The following CNTN5 variants were observed in gnomAD, a reference collection of about 807,000 sequenced individuals.
The protein encoded by CNTN5 is contactin-5.
Under a neutral mutation model 129.1 loss-of-function variants are expected in CNTN5, and 77 were observed. The observed-to-expected ratio is 0.60, with a 90% CI of 0.50 to 0.72. CNTN5 has a LOEUF of 0.72. CNTN5 is among the 30% of genes least tolerant of loss of function. The pLI is 0.00. For missense variants in CNTN5, 1,478 were observed against 1,328.8 expected (o/e 1.11, Z -1.75); for synonymous variants, 509 against 465.6 (o/e 1.09, Z -1.20).
chr11:99,810,777 G>C (rs1369198233), intron 3 of CNTN5, among the ~76,000 whole-genome samples: 1 of 152,110 alleles, frequency 6.6e-6, no homozygotes, highest in African/African-American at 2.4e-5. Flanking sequence ...AGAGAGGACA[G>C]CCTTAGCAAT....
At chr11:99,677,970 G>A (rs556237869) in intron 3 of CNTN5, among the ~76,000 whole-genome samples, 93 of 152,102 alleles carry the variant, frequency 6.1e-4, no homozygotes, top group Middle Eastern at 6.8e-3. Flanking sequence ...GAAAAAATCA[G>A]ATTTCCAACT....
chr11:99,235,766 T>C (rs936027906), intron 1 of CNTN5, among the ~76,000 whole-genome samples: 13 of 152,178 alleles, frequency 8.5e-5, no homozygotes, highest in African/African-American at 3.1e-4. Flanking sequence ...ATTTGCAAAA[T>C]GTCCTATGAG....
chr11:100,160,009 A>T (rs894446344), intron 13 of CNTN5, among the ~76,000 whole-genome samples: 6 of 151,808 alleles, frequency 4.0e-5, no homozygotes, highest in African/African-American at 1.5e-4. Context: ...TACACGTGCC[A>T]TGGTGGTTTG....
chr11:99,420,861 A>G (rs1331031983), intron 2 of CNTN5, among the ~76,000 whole-genome samples: 1 of 152,092 alleles, frequency 6.6e-6, no homozygotes, highest in Non-Finnish European at 1.5e-5. Context: ...TTTCATGAGG[A>G]CAGAGAACCT....
intron 9 of CNTN5, among the ~76,000 whole-genome samples, chr11:100,023,861 A>C (rs898957267): frequency 3.3e-5 from 5 of 151,348 alleles, no homozygotes; most frequent in African/African-American, 1.2e-4. Context: ...TTAATACTTC[A>C]TGTTGTTCCA....
At chr11:99,967,274 G>A (rs540776116) in intron 8 of CNTN5, among the ~76,000 whole-genome samples, 2 of 152,278 alleles carry the variant, frequency 1.3e-5, no homozygotes, top group African/African-American at 4.8e-5. Flanking sequence ...TGGAAGATTT[G>A]AAGTGCGTAG....
chr11:99,220,274 C>A (rs1860333347), intron 1 of CNTN5, among the ~76,000 whole-genome samples: 1 of 152,060 alleles, frequency 6.6e-6, no homozygotes, highest in African/African-American at 2.4e-5. Context: ...TATTAACTGG[C>A]CATTTCCTAA....
intron 3 of CNTN5, among the ~76,000 whole-genome samples, chr11:99,786,162 C>T (rs71622153): frequency 2.0e-5 from 3 of 152,134 alleles, no homozygotes; most frequent in South Asian, 4.2e-4. Context: ...CAAAGTCTCA[C>T]GATACAAAAT....
At chr11:99,908,551 A>G (rs1949571844) in intron 6 of CNTN5, among the ~76,000 whole-genome samples, 1 of 152,090 alleles carries the variant, frequency 6.6e-6, no homozygotes, top group African/African-American at 2.4e-5. Flanking sequence ...AATTAGGATT[A>G]TTATATAATT....
At chr11:100,155,203 T>C (rs1473364009) in intron 13 of CNTN5, among the ~76,000 whole-genome samples, 6 of 152,180 alleles carry the variant, frequency 3.9e-5, no homozygotes, top group Non-Finnish European at 8.8e-5. Flanking sequence ...TTGTATAAGG[T>C]GTAAGGAAGG....
chr11:99,186,589 G>A (rs1463270948), intron 1 of CNTN5, among the ~76,000 whole-genome samples: 1 of 151,924 alleles, frequency 6.6e-6, no homozygotes, highest in Non-Finnish European at 1.5e-5. Context: ...TAAGAGAATG[G>A]TTAATGTGAC....
intron 2 of CNTN5, among the ~76,000 whole-genome samples, chr11:99,498,202 C>T (rs985150162): frequency 6.6e-6 from 1 of 152,084 alleles, no homozygotes; most frequent in African/African-American, 2.4e-5. Context: ...ATAGTGATCT[C>T]TAAACAGTAT....
At chr11:99,144,141 C>T (rs917338099) in intron 1 of CNTN5, among the ~76,000 whole-genome samples, 4 of 152,036 alleles carry the variant, frequency 2.6e-5, no homozygotes, top group Admixed American at 1.3e-4. Flanking sequence ...GGCTAAATTA[C>T]AATTTGTGTC....
intron 9 of CNTN5, among the ~76,000 whole-genome samples, chr11:100,019,617 G>A (rs182691750): frequency 5.9e-4 from 90 of 151,934 alleles, no homozygotes; most frequent in Middle Eastern, 3.4e-3. Flanking sequence ...AGCTGATTGC[G>A]TATCTTGGCT....
chr11:99,961,608 G>A (rs563596433), intron 8 of CNTN5, among the ~76,000 whole-genome samples: 1 of 152,102 alleles, frequency 6.6e-6, no homozygotes, highest in Non-Finnish European at 1.5e-5. Flanking sequence ...CAATAAAGGG[G>A]ATTGAAGACA....
intron 3 of CNTN5, among the ~76,000 whole-genome samples, chr11:99,656,340 AT>A (rs925140051): frequency 7.2e-5 from 11 of 151,872 alleles, no homozygotes; most frequent in South Asian, 4.1e-4. Flanking sequence ...GACCTTTCAT[AT>A]TTTTTTTCCC....
chr11:99,226,968 G>A (rs17133326), intron 1 of CNTN5, among the ~76,000 whole-genome samples: 2,642 of 152,250 alleles, frequency 0.017, 43 homozygotes, highest in African/African-American at 0.038. Context: ...GGATTTCACA[G>A]TACGACAAAT....
At chr11:99,369,216 T>A (rs12280667) in intron 2 of CNTN5, among the ~76,000 whole-genome samples, 2,603 of 50,864 alleles carry the variant, frequency 0.051, 67 homozygotes, top group African/African-American at 0.2. Flanking sequence ...ATATTATATA[T>A]AATATATATA....
intron 23 of CNTN5, 105 bp from the exon 24 acceptor site, chr11:100,350,597 A>C (rs1952386283): frequency 1.3e-6 from 1 of 789,548 alleles, no homozygotes; most frequent in Admixed American, 2.9e-5. Flanking sequence ...ATCTGTCTAA[A>C]CTGTAAGCTC....
Sources: gnomAD v4.1 joint callset for allele counts (sites outside exome capture counted in the v4.1 genomes callset) on GRCh38, gnomAD v4.1.1 for gene constraint, MANE v1.5 for transcripts, NCBI Gene and HGNC (gene_info 2026-07-23, HGNC 2026-07-21) for gene names.